The following GULP1 variants were observed in gnomAD, a reference collection of about 807,000 sequenced individuals.
GULP1 encodes the protein PTB domain-containing engulfment adapter protein 1.
In GULP1, 19 loss-of-function variants were observed where a neutral mutation model predicts 40.9. The observed-to-expected ratio is 0.46, with a 90% confidence interval of 0.32 to 0.68. GULP1 has a LOEUF of 0.68. Ranked by LOEUF, GULP1 falls within the 30% of genes least tolerant of loss-of-function variation. The pLI is 0.03. For missense variants in GULP1, 312 were observed against 362.2 expected (o/e 0.86, Z 1.12); for synonymous variants, 119 against 117.6 (o/e 1.01, Z -0.08).
intron 1 of GULP1, among the ~76,000 whole-genome samples, chr2:188,337,670 A>C (rs993526976): frequency 6.6e-6 from 1 of 151,850 alleles, no homozygotes. Context: ...GACTTTGGTG[A>C]GTGTGCCTGG....
intron 1 of GULP1, among the ~76,000 whole-genome samples, chr2:188,333,855 A>G (rs565188666): frequency 6.6e-6 from 1 of 152,098 alleles, no homozygotes; most frequent in Non-Finnish European, 1.5e-5. Context: ...GTGATCACTC[A>G]TTGTTCTATA....
chr2:188,493,227 C>G (rs954001710), intron 4 of GULP1, among the ~76,000 whole-genome samples: 4 of 151,982 alleles, frequency 2.6e-5, no homozygotes, highest in Non-Finnish European at 4.4e-5. Context: ...TCTAGGACAT[C>G]TTTATGTTTG....
intron 1 of GULP1, among the ~76,000 whole-genome samples, chr2:188,331,001 A>G (rs930255690): frequency 4.6e-5 from 7 of 152,240 alleles, no homozygotes; most frequent in Non-Finnish European, 8.8e-5. Context: ...GTAGGAAAAA[A>G]AAGTTTCAAT....
chr2:188,574,946 A>C (rs527559601), intron 9 of GULP1, among the ~76,000 whole-genome samples: 1 of 152,188 alleles, frequency 6.6e-6, no homozygotes. Flanking sequence ...GCATGTTTCT[A>C]CTTTCCTCAG....
chr2:188,420,334 A>G (rs566390535), intron 2 of GULP1, among the ~76,000 whole-genome samples: 6 of 152,310 alleles, frequency 3.9e-5, no homozygotes, highest in Non-Finnish European at 5.9e-5. Flanking sequence ...CCATTTATTC[A>G]TATCATAATT....
intron 1 of GULP1, among the ~76,000 whole-genome samples, chr2:188,331,385 C>G (rs983409618): frequency 1.3e-5 from 2 of 152,186 alleles, no homozygotes; most frequent in Non-Finnish European, 2.9e-5. Context: ...AAATAAATAT[C>G]TTTCAAACCC....
intron 4 of GULP1, among the ~76,000 whole-genome samples, chr2:188,496,759 G>A (rs146631109): frequency 6.6e-6 from 1 of 152,030 alleles, no homozygotes; most frequent in African/African-American, 2.4e-5. Context: ...CAGTGTTGGA[G>A]GTGAAGCCTG....
In GULP1 at chr2:188,541,220, TG is replaced by T. The variant is rs774735732; in HGVS notation, c.302del (p.Cys101LeufsTer39). On this transcript the variant is annotated frameshift_variant, in exon 7 of 12. Coordinates refer to ENST00000409830, the MANE Select transcript of GULP1 (RefSeq NM_016315.4). LOFTEE classifies it high-confidence loss of function. ...HNCQLHRISF[C>X]ADDKTDKRIF... Reference sequence around the variant, plus strand: ...TTGCCAGCTTCATAGAATATCTTTTTGTGCAGATGATAAAACTGACAAGAGG... The same window carrying T: ...TTGCCAGCTTCATAGAATATCTTTTTTGCAGATGATAAAACTGACAAGAGG... 1 of 1,612,468 alleles carries T rather than the reference TG, an allele frequency of 6.2e-7. No homozygotes were observed.
In GULP1 at chr2:188,569,348, A is replaced by C. The variant is rs199688027; in HGVS notation, c.509A>C (p.Gln170Pro). ...ACAAGAAAACAGATCGCAGGGTTACAAAAAAGAGTGAGTAAACTAAGCTTG... is the reference window on the plus strand; with the variant it reads ...ACAAGAAAACAGATCGCAGGGTTACCAAAAAGAGTGAGTAAACTAAGCTTG... ...VETRKQIAGL[Q>P]KRIQDLETEN... The change falls in exon 8 of 12, where the codon CAA becomes CCA. Residue 170 changes from glutamine to proline, a missense_variant. By Grantham distance (76) the Gln-to-Pro change is moderately conservative (BLOSUM62 -1). Coordinates refer to ENST00000409830, the MANE Select transcript of GULP1 (RefSeq NM_016315.4). 6.9e-7 allele frequency: 1 copy of C among 1,457,902 alleles called. No homozygotes were observed. The highest frequency in any genetic ancestry group is 9.6e-7 in the Non-Finnish European group (1 of 1,037,844). The allele number at this position is 1,457,902 out of a possible 1,614,324, so 90.3% of individuals were successfully genotyped here. A position where few individuals can be genotyped will look rare whatever the true frequency, so the allele number is the denominator to read the frequency against.
chr2:188,471,350 G>A (rs149153996), intron 2 of GULP1, among the ~76,000 whole-genome samples: 229 of 151,712 alleles, frequency 1.5e-3, no homozygotes, highest in African/African-American at 2.7e-3. Flanking sequence ...GGAGAGTTTC[G>A]TCCATTTATG....
At chr2:188,329,516 G>A (rs1276768536) in intron 1 of GULP1, among the ~76,000 whole-genome samples, 1 of 152,028 alleles carries the variant, frequency 6.6e-6, no homozygotes, top group African/African-American at 2.4e-5. Flanking sequence ...ACAATGAAGT[G>A]GACTGGGTGG....
intron 2 of GULP1, among the ~76,000 whole-genome samples, chr2:188,384,713 G>T (rs190407016): frequency 1.3e-5 from 2 of 152,212 alleles, no homozygotes; most frequent in Admixed American, 1.3e-4. Context: ...GATAAAATAG[G>T]GTACAGGAAT....
intron 2 of GULP1, among the ~76,000 whole-genome samples, chr2:188,436,230 G>A (rs187213298): frequency 6.6e-6 from 1 of 152,070 alleles, no homozygotes; most frequent in Admixed American, 6.6e-5. Context: ...GTTTTTGTTT[G>A]TTTGTTTGTT....
At chr2:188,314,313 C>G (rs974036590) in intron 1 of GULP1, among the ~76,000 whole-genome samples, 3 of 152,118 alleles carry the variant, frequency 2.0e-5, no homozygotes, top group Non-Finnish European at 2.9e-5. Context: ...TTTTTTATTA[C>G]TTGAAATGTC....
intron 4 of GULP1, among the ~76,000 whole-genome samples, chr2:188,483,788 C>T (rs904230536): frequency 1.3e-5 from 2 of 152,072 alleles, no homozygotes; most frequent in Non-Finnish European, 2.9e-5. Context: ...AAACCACTAA[C>T]AAATTAGCTT....
At chr2:188,498,401 T>G (rs770205457) in intron 4 of GULP1, among the ~76,000 whole-genome samples, 2 of 151,856 alleles carry the variant, frequency 1.3e-5, no homozygotes, top group Non-Finnish European at 1.5e-5. Context: ...GTTAGAAATA[T>G]CCAAGAAATA....
intron 2 of GULP1, among the ~76,000 whole-genome samples, chr2:188,441,500 T>C (rs773890685): frequency 1.3e-5 from 2 of 152,124 alleles, no homozygotes; most frequent in Non-Finnish European, 2.9e-5. Context: ...AGGACTCTTA[T>C]CAACCTTGCT....
At chr2:188,516,232 A>T (rs2065157763) in intron 4 of GULP1, among the ~76,000 whole-genome samples, 1 of 152,142 alleles carries the variant, frequency 6.6e-6, no homozygotes, top group African/African-American at 2.4e-5. Flanking sequence ...GCCTCTGCAC[A>T]TCTCAGTATG....
chr2:188,353,826 C>T (rs371339064), intron 1 of GULP1, among the ~76,000 whole-genome samples: 1 of 151,864 alleles, frequency 6.6e-6, no homozygotes, highest in Non-Finnish European at 1.5e-5. Context: ...TACCAAACCC[C>T]TCCTACCCCT....
Sources: allele counts gnomAD v4.1 joint callset (sites outside exome capture counted in the v4.1 genomes callset), GRCh38; gene constraint gnomAD v4.1.1; transcripts MANE v1.5; gene names NCBI Gene and HGNC (gene_info 2026-07-23, HGNC 2026-07-21).